SPHKAP: variants seen among roughly 807,000 people sequenced by gnomAD.
SPHKAP encodes the protein A-kinase anchor protein SPHKAP.
A neutral mutation model predicts 137.5 loss-of-function variants in SPHKAP; 67 were observed. That is an observed-to-expected ratio of 0.49 (90% CI 0.40 to 0.60). The LOEUF is 0.60. Among genes scored for constraint, SPHKAP ranks in the 20% least tolerant of loss-of-function variants. The pLI is 0.00. For synonymous variants in SPHKAP, 813 were observed against 785.3 expected (o/e 1.04, Z -0.59); for missense variants, 2,097 against 2,069.3 (o/e 1.01, Z -0.26).
rs186108654 is a variant in SPHKAP at position 228,138,645 on chromosome 2, A to T, written c.33-6560T>A. ...GAAAATATTTAGAAGCCATCATTTT[A>T]TGTTCTGTTTCAATACTTAAAGGTG... On this transcript the variant is annotated intron_variant, in intron 1 of 11. Transcript: ENST00000392056. Among the ~76,000 whole-genome samples, 90 of 152,304 alleles carry T rather than the reference A, an allele frequency of 5.9e-4. 1 individual carries two copies. The East Asian group carries it at 0.017, about 28-fold the overall frequency.
At chr2:228,108,995 G>T in intron 2 of SPHKAP, 56 bp from the exon 3 acceptor site, 1 of 1,087,908 alleles carries the variant, frequency 9.2e-7, no homozygotes, top group South Asian at 1.7e-5. Context: ...TATCTAAACA[G>T]CAGCTCTCTC....
At chr2:228,042,766 T>C (rs992479221) in intron 3 of SPHKAP, among the ~76,000 whole-genome samples, 3 of 152,248 alleles carry the variant, frequency 2.0e-5, no homozygotes, top group African/African-American at 7.2e-5. Context: ...ATAAATGTTA[T>C]CTACTGACCT....
At chr2:228,120,531 A>G (rs1698871393) in intron 2 of SPHKAP, among the ~76,000 whole-genome samples, 1 of 152,192 alleles carries the variant, frequency 6.6e-6, no homozygotes, top group African/African-American at 2.4e-5. Flanking sequence ...GCATCCTAAG[A>G]TGGCAAGAAA....
intron 1 of SPHKAP, among the ~76,000 whole-genome samples, chr2:228,143,986 T>A (rs1350751614): frequency 6.6e-6 from 1 of 152,206 alleles, no homozygotes; most frequent in African/African-American, 2.4e-5. Flanking sequence ...GCCTCTCTGC[T>A]GTTCCTAAAA....
intron 3 of SPHKAP, among the ~76,000 whole-genome samples, chr2:228,084,891 G>A (rs1697490741): frequency 6.6e-6 from 1 of 152,170 alleles, no homozygotes; most frequent in Non-Finnish European, 1.5e-5. Context: ...TCATAAGAGT[G>A]GTTTGAAGCC....
intron 11 of SPHKAP, among the ~76,000 whole-genome samples, chr2:227,990,169 G>A (rs1459416748): frequency 6.6e-6 from 1 of 152,148 alleles, no homozygotes; most frequent in Non-Finnish European, 1.5e-5. Flanking sequence ...TTGGATAAGT[G>A]CCCAGTCAGG....
intron 2 of SPHKAP, among the ~76,000 whole-genome samples, chr2:228,124,697 C>T (rs1357407445): frequency 2.6e-5 from 4 of 151,234 alleles, no homozygotes; most frequent in East Asian, 2.0e-4. Context: ...CAAACCCACA[C>T]GTTGTGCACA....
intron 1 of SPHKAP, among the ~76,000 whole-genome samples, chr2:228,165,524 C>T (rs1354608596): frequency 6.6e-6 from 1 of 152,172 alleles, no homozygotes; most frequent in Admixed American, 6.5e-5. Context: ...ATATTAACTA[C>T]TTTAGAACAT....
At chr2:228,158,051 G>T (rs1700160098) in intron 1 of SPHKAP, among the ~76,000 whole-genome samples, 1 of 152,180 alleles carries the variant, frequency 6.6e-6, no homozygotes, top group Admixed American at 6.5e-5. Context: ...ACTTGGAAAA[G>T]GTCAAGAAGT....
At position 228,052,715 on chromosome 2, in the gene SPHKAP, G is replaced by C. The variant is rs536503226; in HGVS notation, c.247-25172C>G. 5.3e-5 allele frequency among the ~76,000 whole-genome samples: 8 copies of C among 152,144 alleles called. No individual in the cohort carries two copies. In the East Asian group the frequency reaches 1.5e-3, roughly 29 times the overall value. ...CTAGATATTTCTTTATTTGTGGAGA[G>C]GTTACTTTTTTCCCTAAAACTTTTT... On this transcript the variant is annotated intron_variant, in intron 3 of 11. Transcript: ENST00000392056.
chr2:228,145,013 C>A (rs927575723), intron 1 of SPHKAP, among the ~76,000 whole-genome samples: 4 of 152,174 alleles, frequency 2.6e-5, no homozygotes, highest in Admixed American at 2.6e-4. Flanking sequence ...TCCCCCATAT[C>A]TCTGAGGGAT....
intron 3 of SPHKAP, among the ~76,000 whole-genome samples, chr2:228,073,375 C>A (rs1276053061): frequency 1.3e-5 from 2 of 152,166 alleles, no homozygotes; most frequent in Admixed American, 1.3e-4. Flanking sequence ...CACTGCCTAC[C>A]TGAAAATACA....
At chr2:228,082,679 T>C (rs1697400546) in intron 3 of SPHKAP, among the ~76,000 whole-genome samples, 1 of 152,208 alleles carries the variant, frequency 6.6e-6, no homozygotes, top group South Asian at 2.1e-4. Context: ...CAAGAAAGGC[T>C]GGGACACTGG....
At chr2:228,131,225 A>G in intron 2 of SPHKAP, 1 of 883,186 alleles carries the variant, frequency 1.1e-6, no homozygotes, top group Non-Finnish European at 1.4e-6. Context: ...TTACATCTAT[A>G]AGAATTTTTA....
At chr2:228,113,403 C>T (rs1424096387) in intron 2 of SPHKAP, among the ~76,000 whole-genome samples, 2 of 152,052 alleles carry the variant, frequency 1.3e-5, no homozygotes, top group African/African-American at 4.8e-5. Flanking sequence ...ATCCTAAGTG[C>T]CCGATAGGCA....
chr2:228,009,683 C>T (rs1355321863), intron 7 of SPHKAP, among the ~76,000 whole-genome samples: 2 of 152,074 alleles, frequency 1.3e-5, no homozygotes, highest in East Asian at 1.9e-4. Context: ...CAATGTTGAA[C>T]TTTATTCCAG....
intron 7 of SPHKAP, among the ~76,000 whole-genome samples, chr2:228,008,283 A>G (rs1251281325): frequency 6.8e-6 from 1 of 147,786 alleles, no homozygotes; most frequent in Non-Finnish European, 1.5e-5. Context: ...CTCCTACATT[A>G]TCTTCTAGGA....
At chr2:228,032,885 C>T (rs1695397610) in intron 3 of SPHKAP, among the ~76,000 whole-genome samples, 1 of 152,076 alleles carries the variant, frequency 6.6e-6, no homozygotes, top group African/African-American at 2.4e-5. Flanking sequence ...AAGCACTAAA[C>T]ATGGAAAGGA....
intron 1 of SPHKAP, among the ~76,000 whole-genome samples, chr2:228,178,386 A>G (rs1231438904): frequency 1.3e-5 from 2 of 152,220 alleles, no homozygotes; most frequent in East Asian, 3.8e-4. Context: ...TGATGATCAA[A>G]TAATTTAATA....
Sources: gnomAD v4.1 joint callset for allele counts (sites outside exome capture counted in the v4.1 genomes callset) on GRCh38, gnomAD v4.1.1 for gene constraint, MANE v1.5 for transcripts, NCBI Gene and HGNC (gene_info 2026-07-23, HGNC 2026-07-21) for gene names.